The following CD200R1L variants were observed in gnomAD, a reference collection of about 807,000 sequenced individuals.
The protein encoded by CD200R1L is cell surface glycoprotein CD200 receptor 2.
Under a neutral mutation model 24.8 loss-of-function variants are expected in CD200R1L, and 14 were observed. That is an observed-to-expected ratio of 0.56 (90% CI 0.37 to 0.88). The LOEUF is 0.88. Among genes scored for constraint, CD200R1L ranks in the 40% least tolerant of loss-of-function variants. The probability of loss-of-function intolerance (pLI) is 0.00; values close to 1 mark genes in which losing one functional copy is unlikely to be tolerated. For synonymous variants in CD200R1L, 111 were observed against 109.2 expected (o/e 1.02, Z -0.11); for missense variants, 299 against 297.8 (o/e 1.00, Z -0.03).
At chr3:112,845,544 G>A (rs912700327) in intron 2 of CD200R1L, 135 bp downstream of exon 2, 5 of 689,898 alleles carry the variant, frequency 7.2e-6, no homozygotes, top group Non-Finnish European at 1.2e-5. Context: ...GAGTTTTGCT[G>A]GATAATGTAC....
At chr3:112,822,314 A>T (rs1259843698) in intron 6 of CD200R1L, among the ~76,000 whole-genome samples, 2 of 152,176 alleles carry the variant, frequency 1.3e-5, no homozygotes, top group African/African-American at 4.8e-5. Context: ...CAGCTTCAGG[A>T]TGGGGCTGGT....
intron 2 of CD200R1L, 53 bp downstream of exon 2, chr3:112,845,626 T>C: frequency 7.2e-7 from 1 of 1,386,014 alleles, no homozygotes; most frequent in Non-Finnish European, 1.0e-6. Flanking sequence ...ATCCTCATAA[T>C]CATTGAAAGA....
chr3:112,844,953 A>G (rs1939168633), intron 2 of CD200R1L, among the ~76,000 whole-genome samples: 1 of 152,130 alleles, frequency 6.6e-6, no homozygotes, highest in Non-Finnish European at 1.5e-5. Context: ...AAATAAATAA[A>G]AAGAAGAGGA....
chr3:112,844,035 A>G (rs1005780894), intron 2 of CD200R1L, among the ~76,000 whole-genome samples: 11 of 152,270 alleles, frequency 7.2e-5, no homozygotes, highest in African/African-American at 2.7e-4. Context: ...CTGACATTGG[A>G]GCACTCAGAA....
At chr3:112,841,398 G>A in intron 2 of CD200R1L, 30 of 339,628 alleles carry the variant, frequency 8.8e-5, no homozygotes, top group Non-Finnish European at 1.6e-4. Context: ...ACCCATTCTT[G>A]GGTAGTTCTT....
rs992917175 is a variant in CD200R1L at position 112,839,425 on chromosome 3, A to G, written c.-86-1415T>C. 9.2e-5 allele frequency among the ~76,000 whole-genome samples: 14 copies of G among 152,368 alleles called. 1 individual carries two copies. Among genetic ancestry groups the G allele is most frequent in the South Asian group, 8.3e-4 (4 of 4,826 alleles). ...TGATACTTTAGAACATTTACATATA[A>G]CAAGATTGGCTCGTTTCTCCTAATT... On this transcript the variant is annotated intron_variant, in intron 2 of 7. Coordinates refer to ENST00000488794, the MANE Select transcript of CD200R1L (RefSeq NM_001199215.3).
intron 3 of CD200R1L, among the ~76,000 whole-genome samples, chr3:112,836,950 C>T (rs1938964586): frequency 6.6e-6 from 1 of 152,176 alleles, no homozygotes; most frequent in Non-Finnish European, 1.5e-5. Context: ...AACTAAATGA[C>T]ATAAAAATTA....
chr3:112,828,604 G>T (rs978121787), intron 4 of CD200R1L, among the ~76,000 whole-genome samples: 4 of 152,094 alleles, frequency 2.6e-5, no homozygotes, highest in Non-Finnish European at 5.9e-5. Context: ...GAGTTCAGTG[G>T]TAAACTTTCC....
intron 2 of CD200R1L, 47 bp from the exon 3 acceptor site, chr3:112,838,057 C>A: frequency 2.3e-6 from 2 of 861,358 alleles, no homozygotes; most frequent in Non-Finnish European, 3.2e-6. Context: ...AAGAACTTTT[C>A]TTTACTGAAA....
chr3:112,824,193 T>A (rs1350175374), intron 6 of CD200R1L, among the ~76,000 whole-genome samples: 1 of 152,046 alleles, frequency 6.6e-6, no homozygotes, highest in Admixed American at 6.6e-5. Context: ...AAGACTCAGA[T>A]GTAAGAAAAA....
chr3:112,827,497 C>T lies in CD200R1L; in HGVS notation c.237G>A (p.Trp79Ter), dbSNP rs1328787103. 1.9e-6 allele frequency: 3 copies of T among 1,614,018 alleles called. No homozygotes were observed. Among genetic ancestry groups the T allele is most frequent in the African/African-American group, 1.3e-5 (1 of 74,898 alleles). ...CCGAATTCTGATCAGGTCTAGAGAC[C>T]CAGGTTATTCTCTCAACAGTACAGT... The part of the protein sequence containing the change: ...ETNCTVERIT[W>*]VSRPDQNSDL... Residue 79 changes from tryptophan (W) to a stop codon, truncating the protein, a stop_gained, in exon 5 of 8, where the codon TGG (tryptophan) becomes TGA (stop). Transcript: ENST00000488794. LOFTEE classifies it high-confidence loss of function.
At chr3:112,844,781 A>C (rs1939162719) in intron 2 of CD200R1L, among the ~76,000 whole-genome samples, 1 of 152,022 alleles carries the variant, frequency 6.6e-6, no homozygotes, top group Non-Finnish European at 1.5e-5. Context: ...AAAATTAGCC[A>C]GGTGTGGTGG....
intron 6 of CD200R1L, among the ~76,000 whole-genome samples, chr3:112,823,921 G>GGCTAAAGAAAAAA (rs11271128): frequency 6.6e-6 from 1 of 151,870 alleles, no homozygotes; most frequent in Non-Finnish European, 1.5e-5. Flanking sequence ...TGAAGCGCAA[G>GGCTAAAGAAAAAA]GCAGGTTGTG....
In CD200R1L at chr3:112,815,889, G is replaced by T; in HGVS notation, c.*74C>A. 1 of 775,146 alleles carries T rather than the reference G, an allele frequency of 1.3e-6. No individual in the cohort carries two copies. The allele number at this position is 775,146 out of a possible 1,614,324, so 48.0% of individuals were successfully genotyped here. ...CATCCATGGCCCAAGTTCACTGCTG[G>T]ACCATCACTCATCTCACCAATGTTG... is the stretch of plus-strand genomic sequence containing the variant. On this transcript the variant is annotated 3_prime_UTR_variant, in exon 8 of 8. Coordinates refer to ENST00000488794, the MANE Select transcript of CD200R1L (RefSeq NM_001199215.3).
Position 112,842,771 on chromosome 3 carries a change from G to A in CD200R1L, c.-87+2908C>T, listed in dbSNP as rs541428228. Among the ~76,000 whole-genome samples the A allele has an allele frequency of 4.6e-5, 7 of 152,282 alleles. No homozygotes were observed. The South Asian group carries it at 1.5e-3, about 32-fold the overall frequency. ...ATGCGGGAGATGCGCCTGGTCTTCT[G>A]CAGTACCCTCAGGCTTACTAGGGTG... On this transcript the variant is annotated intron_variant, in intron 2 of 7. Coordinates refer to ENST00000488794, the MANE Select transcript of CD200R1L (RefSeq NM_001199215.3).
intron 4 of CD200R1L, among the ~76,000 whole-genome samples, chr3:112,828,873 G>A (rs185475172): frequency 1.2e-4 from 18 of 152,254 alleles, no homozygotes; most frequent in Admixed American, 5.9e-4. Context: ...CATCACTATA[G>A]CATAAGCAGA....
intron 3 of CD200R1L, among the ~76,000 whole-genome samples, chr3:112,833,151 C>A (rs1292992423): frequency 6.6e-6 from 1 of 152,224 alleles, no homozygotes; most frequent in Non-Finnish European, 1.5e-5. Flanking sequence ...AGTAGCACAA[C>A]ACTTGGTTTT....
intron 4 of CD200R1L, 74 bp from the exon 5 acceptor site, chr3:112,827,758 T>A: frequency 7.4e-7 from 1 of 1,352,512 alleles, no homozygotes; most frequent in Non-Finnish European, 1.0e-6. Flanking sequence ...TTATCCACAG[T>A]ATATTACATG....
intron 1 of CD200R1L, among the ~76,000 whole-genome samples, chr3:112,846,315 T>G (rs1939200656): frequency 6.6e-6 from 1 of 152,224 alleles, no homozygotes; most frequent in East Asian, 1.9e-4. Context: ...ATGCATGAAA[T>G]TCTTTGCAAA....
Sources: gnomAD v4.1 joint callset for allele counts (sites outside exome capture counted in the v4.1 genomes callset) on GRCh38, gnomAD v4.1.1 for gene constraint, MANE v1.5 for transcripts, NCBI Gene and HGNC (gene_info 2026-07-23, HGNC 2026-07-21) for gene names.